The following SIGLEC5 variants were observed in gnomAD, a reference collection of about 807,000 sequenced individuals.
SIGLEC5 encodes the protein sialic acid-binding Ig-like lectin 5.
Under a neutral mutation model 45.9 loss-of-function variants are expected in SIGLEC5, and 34 were observed. That is an observed-to-expected ratio of 0.74 (90% CI 0.56 to 0.99). The LOEUF (loss-of-function observed/expected upper bound fraction) is 0.99, where lower values mean the gene tolerates loss of function less well. Among genes scored for constraint, SIGLEC5 ranks in the 50% least tolerant of loss-of-function variants. The probability of loss-of-function intolerance (pLI) is 0.00; values close to 1 mark genes in which losing one functional copy is unlikely to be tolerated. For synonymous variants in SIGLEC5, 203 were observed against 258.6 expected (o/e 0.79, Z 2.06); for missense variants, 508 against 629.6 (o/e 0.81, Z 2.07).
chr19:51,621,793 C>T (rs1232215545), intron 8 of SIGLEC5: 1 of 151,644 alleles, frequency 6.6e-6, no homozygotes, highest in East Asian at 1.9e-4. Context: ...AAAAAAAAAC[C>T]CTCTTATATT....
At position 51,611,116 on chromosome 19, in the gene SIGLEC5, C is replaced by G. The variant is rs926585372; in HGVS notation, c.*1115G>C. Among the ~76,000 whole-genome samples, 1 of 152,200 alleles carries G rather than the reference C, an allele frequency of 6.6e-6. No individual in the cohort carries two copies. The highest frequency in any genetic ancestry group is 2.4e-5 in the African/African-American group (1 of 41,442). Reference sequence around the variant, plus strand: ...TGAGAATCAATGTCCTCCCAGTACTCCACTGGAATTATCCACTCATTTCCT... The same window carrying G: ...TGAGAATCAATGTCCTCCCAGTACTGCACTGGAATTATCCACTCATTTCCT... On this transcript the variant is annotated 3_prime_UTR_variant, in exon 9 of 9. Coordinates refer to ENST00000683636, the MANE Select transcript of SIGLEC5 (RefSeq NM_003830.4).
intron 8 of SIGLEC5, among the ~76,000 whole-genome samples, chr19:51,623,170 T>C (rs1031864026): frequency 7.9e-5 from 12 of 152,182 alleles, no homozygotes; most frequent in African/African-American, 2.9e-4. Context: ...ACATCTAATA[T>C]GTACCCACAA....
Position 51,611,944 on chromosome 19 carries a change from G to A in SIGLEC5, c.*287C>T, listed in dbSNP as rs1400350141. ...GACCCATGTTGGTTGATTTCCATGT[G>A]TTGATTTCTTTAATGTTCACAACAA... On this transcript the variant is annotated 3_prime_UTR_variant, in exon 9 of 9. Coordinates refer to ENST00000683636, the MANE Select transcript of SIGLEC5 (RefSeq NM_003830.4). 1 of 202,350 alleles carries A rather than the reference G, an allele frequency of 4.9e-6. No individual in the cohort carries two copies. Among genetic ancestry groups the A allele is most frequent in the Admixed American group, 6.0e-5 (1 of 16,716 alleles). 12.5% of individuals were successfully genotyped at this position (202,350 alleles called of 1,614,324 possible).
rs146015727 is a variant in SIGLEC5, at chr19:51,627,016, G to A, written c.1382+133C>T. ...ACCTCCATGATCAAGTGATCCTCCTGCCTCAGACTCCTGAGCATCTGGAAC... is the reference window on the plus strand; with the variant it reads ...ACCTCCATGATCAAGTGATCCTCCTACCTCAGACTCCTGAGCATCTGGAAC... On this transcript the variant is annotated intron_variant, in intron 7 of 8. Transcript: ENST00000683636. The A allele has an allele frequency of 2.6e-3, 1,669 of 650,966 alleles. 18 individuals carry two copies. In the African/African-American group the frequency reaches 0.027, roughly 10 times the overall value. The allele number at this position is 650,966 out of a possible 1,614,324, so 40.3% of individuals were successfully genotyped here. A position where few individuals can be genotyped will look rare whatever the true frequency, so the allele number is the denominator to read the frequency against.
chr19:51,627,805 G>A (rs1185384223), intron 5 of SIGLEC5, 29 bp downstream of exon 5: 1 of 1,581,866 alleles, frequency 6.3e-7, no homozygotes, highest in East Asian at 2.2e-5. Context: ...ATACCATGCA[G>A]TTCCTGCTCC....
chr19:51,617,040 G>A (rs1373554071), intron 8 of SIGLEC5, among the ~76,000 whole-genome samples: 1 of 151,804 alleles, frequency 6.6e-6, no homozygotes, highest in Non-Finnish European at 1.5e-5. Context: ...CGGATCACAA[G>A]GTCAGGAGAT....
intron 8 of SIGLEC5, among the ~76,000 whole-genome samples, chr19:51,619,553 C>G (rs969326882): frequency 2.0e-5 from 3 of 152,206 alleles, no homozygotes; most frequent in African/African-American, 7.2e-5. Context: ...ATCTTCATAC[C>G]TTTGGAATTT....
intron 8 of SIGLEC5, among the ~76,000 whole-genome samples, chr19:51,618,628 C>T (rs997643611): frequency 2.0e-5 from 3 of 151,390 alleles, no homozygotes; most frequent in Admixed American, 6.6e-5. Context: ...CCTGTCTCCA[C>T]TAAAAATACA....
intron 8 of SIGLEC5, among the ~76,000 whole-genome samples, chr19:51,615,869 C>T (rs1983034611): frequency 6.6e-6 from 1 of 152,190 alleles, no homozygotes; most frequent in Non-Finnish European, 1.5e-5. Context: ...CTCCACCTCC[C>T]AGGTTCAAGA....
chr19:51,618,443 TA>T (rs1228951315), intron 8 of SIGLEC5, among the ~76,000 whole-genome samples: 1,777 of 49,394 alleles, frequency 0.036, 21 homozygotes, highest in East Asian at 0.069. Context: ...AGACCCTGCC[TA>T]AAAAAAAAAA....
Position 51,629,818 on chromosome 19 carries a change from G to T in SIGLEC5, c.421+15C>A, listed in dbSNP as rs1983670347. 6 of 1,329,262 alleles carry T rather than the reference G, an allele frequency of 4.5e-6. 1 individual carries two copies. The African/African-American group carries it at 8.9e-5, about 20-fold the overall frequency. 82.3% of individuals were successfully genotyped at this position (1,329,262 alleles called of 1,614,324 possible). A position where few individuals can be genotyped will look rare whatever the true frequency, so the allele number is the denominator to read the frequency against. On this transcript the variant is annotated intron_variant, in intron 2 of 8. Coordinates refer to ENST00000683636, the MANE Select transcript of SIGLEC5 (RefSeq NM_003830.4). ...CTCCACGTCCCAGGGTCCTCTCCTG[G>T]GGTCCCTGCCATACCTGTCACCTCC...
intron 8 of SIGLEC5, among the ~76,000 whole-genome samples, chr19:51,621,983 T>C (rs546486093): frequency 2.0e-5 from 3 of 152,294 alleles, no homozygotes; most frequent in African/African-American, 4.8e-5. Flanking sequence ...TTTAAAGGAA[T>C]AGAGAGAGAA....
chr19:51,626,005 A>G (rs1983463565), intron 8 of SIGLEC5, 27 bp downstream of exon 8: 2 of 1,591,608 alleles, frequency 1.3e-6, no homozygotes, highest in Non-Finnish European at 1.7e-6. Flanking sequence ...GTGGACATGC[A>G]CATGAGAAGA....
At chr19:51,621,382 C>T (rs1983274052) in intron 8 of SIGLEC5, 2 of 152,160 alleles carry the variant, frequency 1.3e-5, no homozygotes, top group South Asian at 4.1e-4. Flanking sequence ...CACAGACTTC[C>T]GTTGCCAGAT....
chr19:51,618,459 A>C (rs998958849), intron 8 of SIGLEC5, among the ~76,000 whole-genome samples: 1 of 150,012 alleles, frequency 6.7e-6, no homozygotes, highest in Non-Finnish European at 1.5e-5. Flanking sequence ...AAAAAAAAAA[A>C]AAAAAAAAAC....
chr19:51,622,754 G>A (rs1237545448), intron 8 of SIGLEC5, among the ~76,000 whole-genome samples: 1 of 152,162 alleles, frequency 6.6e-6, no homozygotes, highest in African/African-American at 2.4e-5. Context: ...ATACACAAAA[G>A]TCAACCCCAG....
In SIGLEC5 at chr19:51,612,183, C is replaced by T. The variant is rs746056472; in HGVS notation, c.*48G>A. The stretch of plus-strand genomic sequence containing the variant: ...GTGGTCCCTGACTTGTCCTTTCCCC[C>T]AGACAGGCTGTGGCTCCTCCAGCCA... On this transcript the variant is annotated 3_prime_UTR_variant, in exon 9 of 9. Coordinates refer to ENST00000683636, the MANE Select transcript of SIGLEC5 (RefSeq NM_003830.4). 6.8e-7 allele frequency: 1 copy of T among 1,479,416 alleles called. No individual in the cohort carries two copies. The highest frequency in any genetic ancestry group is 1.3e-5 in the South Asian group (1 of 75,120). The allele number at this position is 1,479,416 out of a possible 1,614,324, so 91.6% of individuals were successfully genotyped here.
rs750623682 is a variant in SIGLEC5, at chr19:51,627,686, C to T, written c.1058G>A (p.Cys353Tyr). 19 of 1,609,570 alleles carry T rather than the reference C, an allele frequency of 1.2e-5. No individual in the cohort carries two copies. The South Asian group carries it at 1.8e-4, about 15-fold the overall frequency. Reference sequence around the variant, plus strand: ...GGGGGCCGGCCGGGCTCGAAAGGAGCATCTGCAGTGCAGACCCTCAGCCTC... The same window carrying T: ...GGGGGCCGGCCGGGCTCGAAAGGAGTATCTGCAGTGCAGACCCTCAGCCTC... ...SWEAEGLHCRCSFRARPAPSL... is the reference protein window; with the variant it reads ...SWEAEGLHCRYSFRARPAPSL... Residue 353 changes from cysteine (C) to tyrosine (Y), a missense_variant, in exon 6 of 9, where the codon TGC becomes TAC. Cys to Tyr is a radical substitution (Grantham distance 194, BLOSUM62 -2). Around this residue, in one of 2 missense-constraint regions of SIGLEC5, gnomAD observed 431 missense variants for 428.8 expected, o/e 1.01. Transcript: ENST00000683636.
intron 8 of SIGLEC5, among the ~76,000 whole-genome samples, chr19:51,625,804 T>C (rs1451975054): frequency 6.6e-6 from 1 of 152,168 alleles, no homozygotes; most frequent in African/African-American, 2.4e-5. Context: ...CACTCCAGCC[T>C]GGGTAACAAG....
Sources: gnomAD v4.1 joint callset for allele counts (sites outside exome capture counted in the v4.1 genomes callset) on GRCh38, gnomAD v4.1.1 for gene constraint, gnomAD v4.1.1 regional missense constraint, MANE v1.5 for transcripts, NCBI Gene and HGNC (gene_info 2026-07-23, HGNC 2026-07-21) for gene names.